The following ZNF334 variants were observed in gnomAD, a reference collection of about 807,000 sequenced individuals.
ZNF334 encodes the protein zinc finger protein 334.
ZNF334 carries 14 observed loss-of-function variants against 12.4 expected under a neutral mutation model. The observed-to-expected ratio is 1.13, with a 90% CI of 0.74 to 1.76. The LOEUF is 1.76. Among genes scored for constraint, ZNF334 ranks in the 40% most tolerant of loss-of-function variants. ZNF334 has a pLI of 0.00. For missense variants in ZNF334, 797 were observed against 804.5 expected, an observed-to-expected ratio of 0.99 and a Z score of 0.11; for synonymous variants, 273 against 269.6, an observed-to-expected ratio of 1.01 and a Z score of -0.12.
chr20:46,491,722 T>C, the ZNF334 span: 2 of 152,916 alleles, frequency 1.3e-5, no homozygotes, highest in Admixed American at 6.5e-5. Context: ...AAGGAACTCA[T>C]ACGGGAGAGA....
At position 46,506,533 on chromosome 20, in the gene ZNF334, T is replaced by C. The variant is rs147292798; in HGVS notation, c.22-1793A>G. ...CGGGTGGCTGAGGCAAGAGGATCAC[T>C]TGAGTCTGGGAGTCAGAGGTTGCAG... On this transcript the variant is annotated intron_variant, in intron 2 of 4. Transcript: ENST00000692313. 2.0e-4 allele frequency: 79 copies of C among 390,822 alleles called. 1 individual carries two copies. The East Asian group carries it at 2.3e-3, about 11-fold the overall frequency. 24.2% of individuals were successfully genotyped at this position (390,822 alleles called of 1,614,324 possible). A position where few individuals can be genotyped will look rare whatever the true frequency, so the allele number is the denominator to read the frequency against.
At chr20:46,506,692 T>C (rs1047336432) in intron 2 of ZNF334, 1 of 201,090 alleles carries the variant, frequency 5.0e-6, no homozygotes, top group Non-Finnish European at 9.9e-6. Flanking sequence ...CAGAAACTCA[T>C]GAAACTGGTT....
intron 2 of ZNF334, chr20:46,506,490 A>G (rs1019966896): frequency 3.2e-5 from 13 of 401,038 alleles, no homozygotes; most frequent in African/African-American, 1.2e-4. Context: ...TTAGCCAGGC[A>G]TGGTGGCATG....
At chr20:46,472,370 T>A in the ZNF334 span, among the ~76,000 whole-genome samples, 9 of 152,144 alleles carry the variant, frequency 5.9e-5, no homozygotes, top group Admixed American at 5.9e-4. Flanking sequence ...AAATACATAG[T>A]AAGTTAAATG....
At chr20:46,504,181 T>C (rs367847318) in intron 4 of ZNF334, 33 bp downstream of exon 4, 12 of 1,451,950 alleles carry the variant, frequency 8.3e-6, no homozygotes, top group Non-Finnish European at 1.1e-5. Context: ...CTCATTTCCA[T>C]TGGTTCCACC....
chr20:46,462,797 C>T, the ZNF334 span, among the ~76,000 whole-genome samples: 89 of 152,332 alleles, frequency 5.8e-4, no homozygotes, highest in South Asian at 0.017. Flanking sequence ...AGTTTCTCTA[C>T]TAAGGCTAAG....
chr20:46,497,800 A>G (rs181390883), downstream of ZNF334, among the ~76,000 whole-genome samples: 2 of 152,372 alleles, frequency 1.3e-5, no homozygotes, highest in East Asian at 3.9e-4. Flanking sequence ...ATTGAAAAAT[A>G]GAAACAATTC....
At chr20:46,468,053 T>C in the ZNF334 span, among the ~76,000 whole-genome samples, 1 of 152,240 alleles carries the variant, frequency 6.6e-6, no homozygotes, top group Admixed American at 6.5e-5. Flanking sequence ...GAGATCTGTA[T>C]GATATTGAAA....
intron 2 of ZNF334, among the ~76,000 whole-genome samples, chr20:46,510,757 CAAAA>C (rs11475698): frequency 3.1e-5 from 3 of 98,312 alleles, no homozygotes; most frequent in Non-Finnish European, 2.1e-5. Context: ...GAGCCCATTT[CAAAA>C]AAAAAAAAAA....
At chr20:46,479,338 CA>C in the ZNF334 span, among the ~76,000 whole-genome samples, 6 of 152,160 alleles carry the variant, frequency 3.9e-5, no homozygotes, top group African/African-American at 1.4e-4. Flanking sequence ...TAAGCCAAAA[CA>C]AAAATCCCAG....
Position 46,501,250 on chromosome 20 carries a change from G to C in ZNF334, c.*46C>G. The C allele has an allele frequency of 6.4e-7, 1 of 1,573,900 alleles. No homozygotes were observed. Among genetic ancestry groups the C allele is most frequent in the East Asian group, 2.2e-5 (1 of 44,628 alleles). On this transcript the variant is annotated 3_prime_UTR_variant, in exon 5 of 5. Transcript: ENST00000692313. ...ATACTCACAGTTTAGCATTGTGTAAGTTATTTGATTTGTTGCTTTGTTGGA... is the reference window on the plus strand; with the variant it reads ...ATACTCACAGTTTAGCATTGTGTAACTTATTTGATTTGTTGCTTTGTTGGA...
chr20:46,494,496 A>C, the ZNF334 span, among the ~76,000 whole-genome samples: 1 of 152,230 alleles, frequency 6.6e-6, no homozygotes, highest in Admixed American at 6.5e-5. Context: ...AATAACAGAC[A>C]CATCAGTTTT....
At chr20:46,462,949 A>G in the ZNF334 span, among the ~76,000 whole-genome samples, 1 of 152,056 alleles carries the variant, frequency 6.6e-6, no homozygotes, top group Admixed American at 6.6e-5. Context: ...TTTTCCTATC[A>G]TTCAAAACAT....
the ZNF334 span, among the ~76,000 whole-genome samples, chr20:46,483,945 T>C: frequency 2.0e-5 from 3 of 152,202 alleles, no homozygotes; most frequent in Non-Finnish European, 4.4e-5. Flanking sequence ...ATGGTTCTAG[T>C]ATTACTTGCA....
At chr20:46,469,946 T>A in the ZNF334 span, among the ~76,000 whole-genome samples, 1 of 152,102 alleles carries the variant, frequency 6.6e-6, no homozygotes, top group African/African-American at 2.4e-5. Context: ...TAAGCTGTCT[T>A]TTCCCTTGGC....
the ZNF334 span, chr20:46,464,042 C>G: frequency 2.4e-5 from 15 of 634,706 alleles, no homozygotes; most frequent in Non-Finnish European, 3.4e-5. Context: ...TCATTGTTGT[C>G]AAAGGGGTCA....
intron 2 of ZNF334, among the ~76,000 whole-genome samples, chr20:46,511,484 C>T (rs1482651756): frequency 4.6e-5 from 7 of 152,174 alleles, no homozygotes; most frequent in Non-Finnish European, 4.4e-5. Context: ...TGAAATGAGA[C>T]AGGCACATGA....
chr20:46,496,464 G>C (rs1459464726), downstream of ZNF334, among the ~76,000 whole-genome samples: 1 of 152,208 alleles, frequency 6.6e-6, no homozygotes, highest in African/African-American at 2.4e-5. Flanking sequence ...GTGTGGGAAG[G>C]GTTGTGGGAA....
At chr20:46,486,693 T>C in the ZNF334 span, among the ~76,000 whole-genome samples, 50 of 150,858 alleles carry the variant, frequency 3.3e-4, no homozygotes, top group African/African-American at 1.2e-3. Flanking sequence ...ATAACAATTT[T>C]CTGGGTCACA....
Sources: allele counts gnomAD v4.1 joint callset (sites outside exome capture counted in the v4.1 genomes callset), GRCh38; gene constraint gnomAD v4.1.1; transcripts MANE v1.5; gene names NCBI Gene and HGNC (gene_info 2026-07-23, HGNC 2026-07-21).